REEP5: variants seen among roughly 807,000 people sequenced by gnomAD.
REEP5 encodes the protein receptor expression-enhancing protein 5.
In REEP5, 24 loss-of-function variants were observed where a neutral mutation model predicts 22.4. That is an observed-to-expected ratio of 1.07 (90% CI 0.78 to 1.51). The LOEUF (loss-of-function observed/expected upper bound fraction) is 1.51, where lower values mean the gene tolerates loss of function less well. REEP5 is among the 40% of genes most tolerant of loss of function. The probability of loss-of-function intolerance (pLI) is 0.00; values close to 1 mark genes in which losing one functional copy is unlikely to be tolerated. For synonymous variants in REEP5, 103 were observed against 88.6 expected (o/e 1.16, Z -0.92); for missense variants, 252 against 233.0 (o/e 1.08, Z -0.53).
At chr5:112,887,958 A>C (rs1326385287) in intron 3 of REEP5, among the ~76,000 whole-genome samples, 2 of 152,240 alleles carry the variant, frequency 1.3e-5, no homozygotes, top group Non-Finnish European at 2.9e-5. Context: ...CAGAAGGAAA[A>C]GGAATATTCA....
At chr5:112,917,689 C>T (rs933708120) in intron 2 of REEP5, among the ~76,000 whole-genome samples, 1 of 152,204 alleles carries the variant, frequency 6.6e-6, no homozygotes, top group Non-Finnish European at 1.5e-5. Flanking sequence ...TGCAGCACAG[C>T]ATACACCCTC....
At chr5:112,908,366 G>A (rs182714031) in intron 2 of REEP5, among the ~76,000 whole-genome samples, 6 of 152,190 alleles carry the variant, frequency 3.9e-5, no homozygotes, top group Admixed American at 3.9e-4. Flanking sequence ...GCCTCCCAAT[G>A]TGCTAAGATT....
chr5:112,908,104 T>TC (rs1723985091), intron 2 of REEP5, among the ~76,000 whole-genome samples: 2 of 146,068 alleles, frequency 1.4e-5, no homozygotes, highest in Non-Finnish European at 3.0e-5. Flanking sequence ...GTTTTTTGTT[T>TC]TTTTTTTTTT....
At chr5:112,892,510 C>T (rs1285588088) in intron 3 of REEP5, 1 of 1,614,206 alleles carries the variant, frequency 6.2e-7, no homozygotes, top group Admixed American at 1.7e-5. Context: ...AGCCCTTTCT[C>T]TGTTTAACGG....
intron 3 of REEP5, chr5:112,894,311 G>A (rs376123492): frequency 6.6e-6 from 1 of 152,170 alleles, no homozygotes; most frequent in African/African-American, 2.4e-5. Flanking sequence ...GTAGAGACAG[G>A]GTTTCACCAT....
intron 3 of REEP5, chr5:112,896,953 A>G (rs912286707): frequency 6.6e-6 from 1 of 152,158 alleles, no homozygotes; most frequent in Non-Finnish European, 1.5e-5. Flanking sequence ...AAATCTAGAA[A>G]ATGATTTAAA....
intron 3 of REEP5, among the ~76,000 whole-genome samples, chr5:112,888,706 T>C (rs1273713058): frequency 6.6e-6 from 1 of 151,084 alleles, no homozygotes; most frequent in East Asian, 2.0e-4. Flanking sequence ...TAAAATTTGT[T>C]ACACATGCAC....
At position 112,922,198 on chromosome 5, in the gene REEP5, A is replaced by G. The variant is rs998675961; in HGVS notation, c.-8T>C. The G allele has an allele frequency of 6.9e-6, 11 of 1,602,366 alleles. No homozygotes were observed. The highest frequency in any genetic ancestry group is 9.4e-6 in the Non-Finnish European group (11 of 1,174,706). ...CCTCATGGCCGCAGACATGGCGGGG[A>G]CCGTCTCGCCGCTCGGGGCTGTTCC... On this transcript the variant is annotated 5_prime_UTR_variant, in exon 1 of 5. Transcript: ENST00000379638.
chr5:112,919,794 T>TAAATTATCCAGTCTAA (rs1163199543), intron 2 of REEP5, among the ~76,000 whole-genome samples: 5 of 152,198 alleles, frequency 3.3e-5, no homozygotes, highest in Non-Finnish European at 7.3e-5. Flanking sequence ...CTATTGTTTA[T>TAAATTATCCAGTCTAA]AAATTATCCA....
intron 4 of REEP5, among the ~76,000 whole-genome samples, chr5:112,881,293 C>T (rs1768068750): frequency 6.6e-6 from 1 of 152,114 alleles, no homozygotes; most frequent in Non-Finnish European, 1.5e-5. Flanking sequence ...GAACATACCA[C>T]TTCTGGGGCA....
intron 4 of REEP5, chr5:112,885,415 C>A: frequency 5.3e-6 from 1 of 190,030 alleles, no homozygotes; most frequent in Non-Finnish European, 1.1e-5. Context: ...GTGAAGACAG[C>A]ACTTGGGGAT....
intron 3 of REEP5, chr5:112,892,023 G>T: frequency 7.6e-7 from 1 of 1,312,008 alleles, no homozygotes; most frequent in East Asian, 2.3e-5. Context: ...AAGAGGAGGA[G>T]CAGAAACAAC....
At position 112,877,362 on chromosome 5, in the gene REEP5, CTTGT is replaced by C. The variant is rs1432368696; in HGVS notation, c.*1420_*1423del. ...TTAATCTTGTTAGTTTAGTTATACA[CTTGT>C]TTTAGTCGAGTTTAATTCAAAAGGA... On this transcript the variant is annotated 3_prime_UTR_variant, in exon 5 of 5. Transcript: ENST00000379638. The C allele has an allele frequency of 6.6e-6, 1 of 152,186 alleles. No individual in the cohort carries two copies. Among genetic ancestry groups the C allele is most frequent in the Non-Finnish European group, 1.5e-5 (1 of 68,034 alleles). The allele number at this position is 152,186 out of a possible 1,614,324, so 9.4% of individuals were successfully genotyped here.
chr5:112,897,924 T>A (rs1278510188), intron 3 of REEP5: 1 of 152,124 alleles, frequency 6.6e-6, no homozygotes, highest in Non-Finnish European at 1.5e-5. Context: ...CTGGGTGTGG[T>A]GGTGCGTGCC....
At chr5:112,918,174 A>G (rs957442012) in intron 2 of REEP5, among the ~76,000 whole-genome samples, 9 of 152,238 alleles carry the variant, frequency 5.9e-5, no homozygotes, top group African/African-American at 2.2e-4. Flanking sequence ...CAAAAATTCT[A>G]GAAACTAGAA....
intron 2 of REEP5, among the ~76,000 whole-genome samples, chr5:112,910,226 C>G (rs978487625): frequency 6.6e-6 from 1 of 152,120 alleles, no homozygotes; most frequent in African/African-American, 2.4e-5. Context: ...TTACTTGAAC[C>G]CGGGAGGTGG....
rs748536916 is a variant in REEP5, at chr5:112,922,062, C to A, written c.118+11G>T. 6.3e-7 allele frequency: 1 copy of A among 1,584,976 alleles called. No homozygotes were observed. Among genetic ancestry groups the A allele is most frequent in the Middle Eastern group, 1.7e-4 (1 of 5,944 alleles). On this transcript the variant is annotated intron_variant, in intron 1 of 4. Transcript: ENST00000379638. Reference sequence around the variant, plus strand: ...TGGCCCTACCAGCGGCGGCGACCCCCGGCCACCCACCAAGAGCGATGAAGC... The same window carrying A: ...TGGCCCTACCAGCGGCGGCGACCCCAGGCCACCCACCAAGAGCGATGAAGC...
At chr5:112,883,175 T>C (rs184013846) in intron 4 of REEP5, among the ~76,000 whole-genome samples, 13 of 152,282 alleles carry the variant, frequency 8.5e-5, no homozygotes, top group African/African-American at 3.1e-4. Flanking sequence ...CTTCCAGTTA[T>C]AGCCCCATTC....
intron 3 of REEP5, among the ~76,000 whole-genome samples, chr5:112,889,144 T>C (rs1366199941): frequency 6.6e-6 from 1 of 150,804 alleles, no homozygotes; most frequent in African/African-American, 2.5e-5. Flanking sequence ...CTTTCCTTTA[T>C]AAATTGCCCA....
Sources: gnomAD v4.1 joint callset for allele counts (sites outside exome capture counted in the v4.1 genomes callset) on GRCh38, gnomAD v4.1.1 for gene constraint, MANE v1.5 for transcripts, NCBI Gene and HGNC (gene_info 2026-07-23, HGNC 2026-07-21) for gene names.